TNRC6A: variants seen among roughly 807,000 people sequenced by gnomAD.
The protein encoded by TNRC6A is trinucleotide repeat containing adaptor 6A.
A neutral mutation model predicts 221.2 loss-of-function variants in TNRC6A; 44 were observed. That is an observed-to-expected ratio of 0.20 (90% CI 0.16 to 0.26). The LOEUF is 0.26. Ranked by LOEUF, TNRC6A falls within the 10% of genes least tolerant of loss-of-function variation. The probability of loss-of-function intolerance (pLI) is 1.00; values close to 1 mark genes in which losing one functional copy is unlikely to be tolerated. For missense variants in TNRC6A, 2,199 were observed against 2,404.4 expected (o/e 0.91, Z 1.79); for synonymous variants, 847 against 838.5 (o/e 1.01, Z -0.18).
intron 2 of TNRC6A, among the ~76,000 whole-genome samples, chr16:24,708,039 AC>A (rs1250377376): frequency 2.2e-5 from 3 of 137,058 alleles, no homozygotes; most frequent in Non-Finnish European, 4.5e-5. Context: ...AGCCTGGGTG[AC>A]AGAGTGAGAC....
At chr16:24,680,936 A>T (rs961571152) in intron 2 of TNRC6A, among the ~76,000 whole-genome samples, 1 of 151,614 alleles carries the variant, frequency 6.6e-6, no homozygotes, top group African/African-American at 2.4e-5. Context: ...ATTAAAAAAA[A>T]AAAATTTTTT....
chr16:24,797,998 C>T (rs750695301), intron 11 of TNRC6A, 32 bp downstream of exon 11: 9 of 1,570,040 alleles, frequency 5.7e-6, no homozygotes, highest in Admixed American at 1.7e-5. Flanking sequence ...TTATATTCCT[C>T]ATTGAGGGAC....
At chr16:24,816,992 C>G (rs1357539993) in intron 20 of TNRC6A, 36 bp downstream of exon 20, 1 of 1,595,750 alleles carries the variant, frequency 6.3e-7, no homozygotes, top group East Asian at 2.2e-5. Context: ...CTGAGTGACA[C>G]TTAACACAGT....
intron 3 of TNRC6A, 61 bp downstream of exon 3, chr16:24,750,874 C>A: frequency 7.6e-7 from 1 of 1,317,730 alleles, no homozygotes. Context: ...AAAAAAATTA[C>A]TCTTACAGAT....
chr16:24,680,654 T>G (rs1197593401), intron 2 of TNRC6A, among the ~76,000 whole-genome samples: 1 of 149,574 alleles, frequency 6.7e-6, no homozygotes, highest in Non-Finnish European at 1.5e-5. Context: ...AGGCAGAGGT[T>G]GTGGTGAGCC....
intron 5 of TNRC6A, among the ~76,000 whole-genome samples, chr16:24,779,095 G>A (rs963472292): frequency 1.3e-5 from 2 of 152,174 alleles, no homozygotes; most frequent in Non-Finnish European, 2.9e-5. Context: ...AAATAACTAT[G>A]AGTCAAAAAT....
intron 5 of TNRC6A, among the ~76,000 whole-genome samples, chr16:24,785,226 T>G (rs1420159022): frequency 1.3e-5 from 2 of 152,240 alleles, no homozygotes; most frequent in Non-Finnish European, 2.9e-5. Flanking sequence ...CCTCTTCTTT[T>G]TGAAATTTTT....
intron 4 of TNRC6A, 93 bp downstream of exon 4, chr16:24,758,453 G>A (rs1485734732): frequency 2.3e-6 from 3 of 1,324,438 alleles, no homozygotes; most frequent in South Asian, 1.2e-5. Flanking sequence ...GGAGAGAGAA[G>A]AGCATGAAAG....
At chr16:24,750,950 T>A in intron 3 of TNRC6A, 137 bp downstream of exon 3, 2 of 800,422 alleles carry the variant, frequency 2.5e-6, no homozygotes, top group Non-Finnish European at 3.6e-6. Flanking sequence ...ATTTAATGTC[T>A]TTGAATATGC....
chr16:24,722,416 T>C (rs1419468122), intron 2 of TNRC6A, among the ~76,000 whole-genome samples: 1 of 78,572 alleles, frequency 1.3e-5, no homozygotes, highest in African/African-American at 4.2e-5. Flanking sequence ...CCCAACTATT[T>C]ATTTATTTAT....
intron 2 of TNRC6A, among the ~76,000 whole-genome samples, chr16:24,697,745 A>C (rs2055890114): frequency 6.6e-6 from 1 of 151,744 alleles, no homozygotes; most frequent in African/African-American, 2.4e-5. Flanking sequence ...GGAGCTTATT[A>C]GAAATGCAGA....
Position 24,823,454 on chromosome 16 carries a change from A to G in TNRC6A, c.5536A>G (p.Ile1846Val), listed in dbSNP as rs1192126529. 1 of 1,613,412 alleles carries G rather than the reference A, an allele frequency of 6.2e-7. No homozygotes were observed. The highest frequency in any genetic ancestry group is 1.1e-5 in the South Asian group (1 of 90,932). Residue 1846 changes from isoleucine (I) to valine (V), a missense_variant, in exon 25 of 25, where the codon ATT (isoleucine) becomes GTT (valine). Around this residue, in one of 8 missense-constraint regions of TNRC6A, gnomAD observed 3 missense variants for 25.1 expected, o/e 0.12. Coordinates refer to ENST00000395799, the MANE Select transcript of TNRC6A (RefSeq NM_014494.4). The surrounding 1 kb of genome is among the most constrained non-coding windows in gnomAD (Gnocchi z 4.3). ...TAGGTGTGTACTGGGGAACACTACT[A>G]TTCTTGCTGAGTTTGCCAGTGAAGA... Reference protein sequence around the residue: ...LHMCVLGNTTILAEFASEEEI... With the variant: ...LHMCVLGNTTVLAEFASEEEI...
intron 2 of TNRC6A, chr16:24,664,944 G>A (rs185922388): frequency 2.2e-6 from 1 of 456,214 alleles, no homozygotes; most frequent in Non-Finnish European, 4.4e-6. Flanking sequence ...CAGAAGTAAG[G>A]CACGAGGCTC....
chr16:24,736,857 A>G (rs189794303), intron 2 of TNRC6A, among the ~76,000 whole-genome samples: 261 of 152,354 alleles, frequency 1.7e-3, no homozygotes, highest in Non-Finnish European at 2.9e-3. Context: ...AGGTCTTTGT[A>G]TTTAAATCGA....
chr16:24,779,342 A>G (rs1249963430), intron 5 of TNRC6A, among the ~76,000 whole-genome samples: 1 of 152,244 alleles, frequency 6.6e-6, no homozygotes, highest in Non-Finnish European at 1.5e-5. Context: ...TGATGAAGCC[A>G]AGGCATTCCA....
intron 5 of TNRC6A, among the ~76,000 whole-genome samples, chr16:24,788,648 CTTTTT>C (rs10564095): frequency 1.7e-5 from 2 of 115,256 alleles, no homozygotes; most frequent in Non-Finnish European, 3.5e-5. Context: ...CTCCAAAATT[CTTTTT>C]TTTTTTTTTT....
At chr16:24,631,955 C>T (rs1384467922) in intron 1 of TNRC6A, among the ~76,000 whole-genome samples, 4 of 151,848 alleles carry the variant, frequency 2.6e-5, no homozygotes, top group African/African-American at 9.7e-5. Context: ...GCCTCCTGGG[C>T]TCAAGGGATC....
In TNRC6A at chr16:24,707,350, G is replaced by GCACACACACA. The variant is rs34395729; in HGVS notation, n.403-43355_403-43346dup. Among the ~76,000 whole-genome samples the GCACACACACA allele has an allele frequency of 6.2e-4, 93 of 149,620 alleles. 1 individual carries two copies. The highest frequency in any genetic ancestry group is 7.6e-4 in the Non-Finnish European group (51 of 67,178). ...AACAGGATGAAAGGGGAACATGGGC[G>GCACACACACA]CACACACACACACACACACACACAC... is the stretch of plus-strand genomic sequence containing the variant. On this transcript the variant is annotated intron_variant and non_coding_transcript_variant, in intron 2 of 2. Coordinates refer to the TNRC6A transcript ENST00000566108.
chr16:24,765,366 G>T (rs984851753), intron 4 of TNRC6A, among the ~76,000 whole-genome samples: 12 of 152,186 alleles, frequency 7.9e-5, no homozygotes, highest in Non-Finnish European at 1.3e-4. Flanking sequence ...CACAGCTGAA[G>T]ATGACAATCC....
Sources: allele counts gnomAD v4.1 joint callset (sites outside exome capture counted in the v4.1 genomes callset), GRCh38; gene constraint gnomAD v4.1.1; regional missense constraint gnomAD v4.1.1; non-coding constraint Gnocchi (gnomAD v3.1); transcripts MANE v1.5; gene names NCBI Gene and HGNC (gene_info 2026-07-23, HGNC 2026-07-21).